Variants in NPIPB9 observed in about 807,000 individuals in gnomAD.
NPIPB9 encodes nuclear pore complex interacting protein family member B9.
A neutral mutation model predicts 5.6 loss-of-function variants in NPIPB9; 1 was observed. The observed-to-expected ratio is 0.18, with a 90% CI of 0.06 to 0.84. NPIPB9 has a LOEUF of 0.84. Among genes scored for constraint, NPIPB9 ranks in the 40% least tolerant of loss-of-function variants. NPIPB9 has a pLI of 0.70. For missense variants in NPIPB9, 3 were observed against 39.1 expected, an observed-to-expected ratio of 0.08 and a Z score of 2.46; for synonymous variants, 2 against 12.5, an observed-to-expected ratio of 0.16 and a Z score of 1.77.
rs1233767692 is a variant in NPIPB9, at chr16:28,765,774, TGA to T, written c.295-307_295-306del. On this transcript the variant is annotated intron_variant, in intron 3 of 7. Coordinates refer to ENST00000550983, the Ensembl canonical transcript of NPIPB9. ...GTGTGTGTGTGTGTGTGTGTGTGTG[TGA>T]CAGAGTCTCATTCTGTCGCTCAGGC... Among the ~76,000 whole-genome samples, 32 of 78,824 alleles carry T rather than the reference TGA, an allele frequency of 4.1e-4. No individual in the cohort carries two copies. In the East Asian group the frequency reaches 7.0e-3, roughly 17 times the overall value. The allele number at this position is 78,824 out of a possible 152,430, so 51.7% of individuals were successfully genotyped here. A position where few individuals can be genotyped will look rare whatever the true frequency, so the allele number is the denominator to read the frequency against.
At chr16:28,758,878 G>A in intron 2 of NPIPB9, 1 of 153,258 alleles carries the variant, frequency 6.5e-6, no homozygotes, top group South Asian at 3.1e-5. Flanking sequence ...AGGGGGCCGA[G>A]GTGGGCAGAT....
chr16:28,765,772 T>A (rs233640), intron 3 of NPIPB9, among the ~76,000 whole-genome samples: 981 of 92,164 alleles, frequency 0.011, no homozygotes, highest in South Asian at 0.027. Flanking sequence ...TGTGTGTGTG[T>A]GTGACAGAGT....
chr16:28,765,403 AT>A (rs1206825669), intron 3 of NPIPB9, among the ~76,000 whole-genome samples: 37 of 34,244 alleles, frequency 1.1e-3, no homozygotes, highest in South Asian at 2.5e-3. Context: ...CACCTGGGCT[AT>A]TTTTTTTTTT....
At chr16:28,754,828 A>G (rs1460791250) in intron 1 of NPIPB9, among the ~76,000 whole-genome samples, 1 of 142,276 alleles carries the variant, frequency 7.0e-6, no homozygotes, top group Admixed American at 7.2e-5. Flanking sequence ...GCTGCACAAA[A>G]TCATCACCAA....
At chr16:28,754,751 G>C (rs1244448120) in intron 1 of NPIPB9, among the ~76,000 whole-genome samples, 15 of 139,266 alleles carry the variant, frequency 1.1e-4, no homozygotes, top group African/African-American at 3.9e-4. Context: ...GAACTGATGG[G>C]AAATGACAGG....
chr16:28,753,577 G>C (rs1403951643), intron 1 of NPIPB9, among the ~76,000 whole-genome samples: 9 of 61,888 alleles, frequency 1.5e-4, no homozygotes, highest in African/African-American at 4.8e-4. Context: ...CACACATATA[G>C]AGAGAGAGAC....
At chr16:28,765,403 ATTT>A (rs1206825669) in intron 3 of NPIPB9, among the ~76,000 whole-genome samples, 2 of 34,242 alleles carry the variant, frequency 5.8e-5, no homozygotes, top group Non-Finnish European at 1.0e-4. Flanking sequence ...CACCTGGGCT[ATTT>A]TTTTTTTTTT....
chr16:28,758,853 T>C, intron 2 of NPIPB9: 1 of 191,038 alleles, frequency 5.2e-6, no homozygotes, highest in East Asian at 8.3e-5. Flanking sequence ...TCAGGCCTTG[T>C]AATCCCAGCA....
At chr16:28,754,925 TCAGTAAATCTCTGAC>T (rs1247067260) in intron 1 of NPIPB9, among the ~76,000 whole-genome samples, 1 of 133,366 alleles carries the variant, frequency 7.5e-6, no homozygotes, top group African/African-American at 2.7e-5. Context: ...TGACATTGAG[TCAGTAAATCTCTGAC>T]TGCCTCAGTT....
rs540396492 is a variant in NPIPB9 at position 28,754,769 on chromosome 16, A to C, written c.25+2177A>C. Among the ~76,000 whole-genome samples the C allele has an allele frequency of 4.9e-5, 7 of 141,770 alleles. No individual in the cohort carries two copies. The East Asian group carries it at 1.5e-3, about 30-fold the overall frequency. 93.0% of individuals were successfully genotyped at this position (141,770 alleles called of 152,430 possible). ...CTGATGGGAAATGACAGGAGGACTA[A>C]GTCACCGCAGATTTGCTTTATCCTC... is the stretch of plus-strand genomic sequence containing the variant. On this transcript the variant is annotated intron_variant, in intron 1 of 7. Coordinates refer to ENST00000550983, the Ensembl canonical transcript of NPIPB9.
At position 28,768,709 on chromosome 16, in the gene NPIPB9, A is replaced by G. The variant is rs1596789303; in HGVS notation, c.591-1879A>G. 6.0e-6 allele frequency: 2 copies of G among 334,868 alleles called. 1 individual carries two copies. The highest frequency in any genetic ancestry group is 7.1e-4 in the East Asian group (2 of 2,820). 20.7% of individuals were successfully genotyped at this position (334,868 alleles called of 1,614,324 possible). On this transcript the variant is annotated intron_variant, in intron 5 of 7. Transcript: ENST00000550983. ...AGGCCATTTCCTTTTTCTGCCCTCAATGTCCGTGAAGTGAACCTTGTTAAA... is the reference window on the plus strand; with the variant it reads ...AGGCCATTTCCTTTTTCTGCCCTCAGTGTCCGTGAAGTGAACCTTGTTAAA...
chr16:28,765,229 G>A (rs1199913578), intron 3 of NPIPB9, among the ~76,000 whole-genome samples: 1 of 11,206 alleles, frequency 8.9e-5, no homozygotes, highest in Non-Finnish European at 1.4e-4. Context: ...TCAGCCTCCC[G>A]AGTAGCTGGG....
At position 28,767,230 on chromosome 16, in the gene NPIPB9, C is replaced by T. The variant is rs1298170741; in HGVS notation, c.590+741C>T. Among the ~76,000 whole-genome samples, 2 of 91,752 alleles carry T rather than the reference C, an allele frequency of 2.2e-5. 1 individual carries two copies. Among genetic ancestry groups the T allele is most frequent in the Non-Finnish European group, 4.7e-5 (2 of 42,152 alleles). 60.2% of individuals were successfully genotyped at this position (91,752 alleles called of 152,430 possible). ...TTTTTTTTTGAGACAGAGTCTCACT[C>T]TGTCACCCAGGCTAGAGTGCAGTGG... On this transcript the variant is annotated intron_variant, in intron 5 of 7. Transcript: ENST00000550983.
intron 3 of NPIPB9, among the ~76,000 whole-genome samples, chr16:28,765,774 T>TGTGTGTGA (rs1332789416): frequency 2.5e-5 from 2 of 78,788 alleles, no homozygotes; most frequent in Non-Finnish European, 2.7e-5. Flanking sequence ...TGTGTGTGTG[T>TGTGTGTGA]GACAGAGTCT....
At position 28,761,920 on chromosome 16, in the gene NPIPB9, G is replaced by C. The variant is rs1390375409; in HGVS notation, c.112-331G>C. Among the ~76,000 whole-genome samples, 2 of 35,328 alleles carry C rather than the reference G, an allele frequency of 5.7e-5. 1 individual carries two copies. The highest frequency in any genetic ancestry group is 9.6e-5 in the Non-Finnish European group (2 of 20,904). The allele number at this position is 35,328 out of a possible 152,430, so 23.2% of individuals were successfully genotyped here. A position where few individuals can be genotyped will look rare whatever the true frequency, so the allele number is the denominator to read the frequency against. On this transcript the variant is annotated intron_variant, in intron 2 of 7. Transcript: ENST00000550983. ...AAAGAGTTTTTTTTTTAGATCATCA[G>C]CTATTGTTAGTGTTAGTGTATGTTA...
intron 2 of NPIPB9, chr16:28,758,673 C>T (rs1396165471): frequency 6.1e-6 from 2 of 330,364 alleles, no homozygotes; most frequent in South Asian, 2.2e-5. Flanking sequence ...TCTGTCCTGG[C>T]CGCCTCAGGG....
At chr16:28,758,617 C>T (rs1263723930) in intron 2 of NPIPB9, 10 of 373,120 alleles carry the variant, frequency 2.7e-5, no homozygotes, top group African/African-American at 1.9e-4. Context: ...GATCCGGCCC[C>T]GGTCCCCGTC....
intron 1 of NPIPB9, among the ~76,000 whole-genome samples, chr16:28,754,880 G>C (rs547154402): frequency 2.1e-5 from 3 of 140,570 alleles, no homozygotes; most frequent in African/African-American, 7.7e-5. Context: ...CAGTTTGGTC[G>C]GATGTAATCA....
intron 5 of NPIPB9, among the ~76,000 whole-genome samples, chr16:28,767,258 T>G (rs571616746): frequency 9.7e-6 from 1 of 102,714 alleles, no homozygotes; most frequent in East Asian, 2.3e-4. Flanking sequence ...TGCAGTGGCA[T>G]GATCTTGGCT....
Sources: allele counts gnomAD v4.1 joint callset (sites outside exome capture counted in the v4.1 genomes callset), GRCh38; gene constraint gnomAD v4.1.1; transcripts MANE v1.5; gene names NCBI Gene and HGNC (gene_info 2026-07-23, HGNC 2026-07-21).